Variants in NRG2 observed in about 807,000 individuals in gnomAD.
NRG2 encodes pro-neuregulin-2, membrane-bound isoform.
Under a neutral mutation model 73.9 loss-of-function variants are expected in NRG2, and 27 were observed. The observed-to-expected ratio is 0.37, with a 90% CI of 0.27 to 0.50. The LOEUF is 0.50. Ranked by LOEUF, NRG2 falls within the 20% of genes least tolerant of loss-of-function variation. The pLI is 0.96. For synonymous variants in NRG2, 532 were observed against 541.0 expected (o/e 0.98, Z 0.23); for missense variants, 1,126 against 1,210.1 (o/e 0.93, Z 1.03).
chr5:139,852,591 G>A lies in NRG2; in HGVS notation c.1417-32C>T, dbSNP rs1440525390. On this transcript the variant is annotated intron_variant, in intron 7 of 9. Transcript: ENST00000361474. The surrounding 1 kb of genome is among the most constrained non-coding windows in gnomAD (Gnocchi z 4.4). ...CAGACAGAGTTGGGCGAGAGTTAGTGACTGGGGCCCAAATGAACTCTTTCT... is the reference window on the plus strand; with the variant it reads ...CAGACAGAGTTGGGCGAGAGTTAGTAACTGGGGCCCAAATGAACTCTTTCT... The A allele has an allele frequency of 6.2e-7, 1 of 1,606,372 alleles. No homozygotes were observed. Among genetic ancestry groups the A allele is most frequent in the African/African-American group, 1.3e-5 (1 of 74,826 alleles).
intron 1 of NRG2, among the ~76,000 whole-genome samples, chr5:140,013,401 A>G (rs1188241139): frequency 6.6e-6 from 1 of 152,250 alleles, no homozygotes; most frequent in African/African-American, 2.4e-5. Flanking sequence ...TTAAAAAATA[A>G]TAACAGAGTT....
rs117191761 is a variant in NRG2 at position 139,997,654 on chromosome 5, T to C, written c.700+44716A>G. Among the ~76,000 whole-genome samples the C allele has an allele frequency of 5.9e-5, 9 of 152,300 alleles. No individual in the cohort carries two copies. In the East Asian group the frequency reaches 1.5e-3, roughly 26 times the overall value. Reference sequence around the variant, plus strand: ...TCATCTGGCAAATAGCAGAAATAGATAGAAACCAGCCCCCAGGGCCAAGGG... The same window carrying C: ...TCATCTGGCAAATAGCAGAAATAGACAGAAACCAGCCCCCAGGGCCAAGGG... On this transcript the variant is annotated intron_variant, in intron 1 of 9. Transcript: ENST00000361474.
intron 1 of NRG2, among the ~76,000 whole-genome samples, chr5:139,924,573 T>C (rs1751912435): frequency 6.6e-6 from 1 of 152,232 alleles, no homozygotes; most frequent in Admixed American, 6.5e-5. Context: ...GATAATAACC[T>C]TCCCTGGCAT....
intron 9 of NRG2, among the ~76,000 whole-genome samples, chr5:139,850,119 C>G (rs1434709583): frequency 1.3e-5 from 2 of 152,234 alleles, no homozygotes; most frequent in Non-Finnish European, 2.9e-5. Flanking sequence ...CCCTTCCTAC[C>G]ACCCATTAAG....
At position 139,865,563 on chromosome 5, in the gene NRG2, G is replaced by C; in HGVS notation, c.1175C>G (p.Pro392Arg). ...LEKLPLRLYMPDPKQKAEELY... is the reference protein window; with the variant it reads ...LEKLPLRLYMRDPKQKAEELY... ...TTCAAACATACTTTGCTTAGGATCT[G>C]GCATGTACAATCGCAAAGGCAGTTT... The change falls in exon 5 of 10, where the codon CCA (proline) becomes CGA (arginine). Residue 392 changes from proline to arginine, a missense_variant. Physicochemically the swap from Pro to Arg is moderately radical, Grantham distance 103. Transcript: ENST00000361474. The surrounding 1 kb of genome is among the most constrained non-coding windows in gnomAD (Gnocchi z 5.2). The C allele has an allele frequency of 6.2e-7, 1 of 1,612,316 alleles. No individual in the cohort carries two copies. Among genetic ancestry groups the C allele is most frequent in the Non-Finnish European group, 8.5e-7 (1 of 1,179,318 alleles).
chr5:139,907,354 C>G (rs1195078005), intron 1 of NRG2, among the ~76,000 whole-genome samples: 1 of 152,040 alleles, frequency 6.6e-6, no homozygotes, highest in Non-Finnish European at 1.5e-5. Context: ...TTGATGTATC[C>G]CTCTAAGAAC....
At chr5:139,994,975 CCTTGGAGGCCAGG>C (rs1192660692) in intron 1 of NRG2, among the ~76,000 whole-genome samples, 1 of 152,122 alleles carries the variant, frequency 6.6e-6, no homozygotes, top group African/African-American at 2.4e-5. Context: ...ATGTGAAAGG[CCTTGGAGGCCAGG>C]CTGAGGAGTC....
rs1422489800 is a variant in NRG2, at chr5:139,894,262, C to A, written c.701-6751G>T. On this transcript the variant is annotated intron_variant, in intron 1 of 9. Transcript: ENST00000361474. This position sits in a 1 kb window ranked among gnomAD's most constrained non-coding sequence, Gnocchi z 5.0. ...TTAAAAGGGTTAATGATCCTCACCT[C>A]ATGACTAAGGCTGAGCAGTTCCCTT... Among the ~76,000 whole-genome samples, 1 of 152,178 alleles carries A rather than the reference C, an allele frequency of 6.6e-6. No homozygotes were observed. The highest frequency in any genetic ancestry group is 1.5e-5 in the Non-Finnish European group (1 of 68,020).
At chr5:140,015,466 T>G (rs559419619) in intron 1 of NRG2, among the ~76,000 whole-genome samples, 1 of 152,322 alleles carries the variant, frequency 6.6e-6, no homozygotes, top group South Asian at 2.1e-4. Context: ...GGCAGGGATG[T>G]GACATATTCA....
chr5:139,884,533 A>G (rs903902837), intron 2 of NRG2, among the ~76,000 whole-genome samples: 1 of 152,248 alleles, frequency 6.6e-6, no homozygotes, highest in Non-Finnish European at 1.5e-5. Flanking sequence ...GGATGATTGA[A>G]TACATGTTCC....
chr5:140,028,916 T>C (rs1385251500), intron 1 of NRG2, among the ~76,000 whole-genome samples: 2 of 152,142 alleles, frequency 1.3e-5, no homozygotes, highest in South Asian at 2.1e-4. Context: ...GGCCTAGCCA[T>C]GGTACTGTGA....
chr5:140,011,818 A>T (rs780657790), intron 1 of NRG2, among the ~76,000 whole-genome samples: 5 of 152,218 alleles, frequency 3.3e-5, no homozygotes, highest in Non-Finnish European at 7.3e-5. Flanking sequence ...TGTTGTTTTA[A>T]CCCACTACAT....
intron 1 of NRG2, among the ~76,000 whole-genome samples, chr5:140,004,049 T>C (rs1027349771): frequency 6.6e-6 from 1 of 152,170 alleles, no homozygotes; most frequent in Admixed American, 6.5e-5. Context: ...TTCTGTAACA[T>C]GTTAATATTA....
intron 5 of NRG2, among the ~76,000 whole-genome samples, chr5:139,863,048 G>C (rs1223552405): frequency 6.6e-6 from 1 of 152,158 alleles, no homozygotes; most frequent in African/African-American, 2.4e-5. Context: ...GTTGTAGCTG[G>C]GAGAGGTACT....
At chr5:139,897,548 G>T (rs79983278) in intron 1 of NRG2, among the ~76,000 whole-genome samples, 3,262 of 152,218 alleles carry the variant, frequency 0.021, 118 homozygotes, top group African/African-American at 0.074. Context: ...GTGAGGAGCT[G>T]GTGGGGGCAT....
intron 1 of NRG2, among the ~76,000 whole-genome samples, chr5:140,024,090 G>C (rs559874781): frequency 6.6e-4 from 101 of 152,040 alleles, no homozygotes; most frequent in Non-Finnish European, 1.2e-3. Context: ...CCAGAAACAG[G>C]CTCCCTCCCC....
At position 139,865,297 on chromosome 5, in the gene NRG2, G is replaced by A; in HGVS notation, c.1189+252C>T. ...CTTGCCACCGTTACCATTTGTATTG[G>A]CCTTGCCACTCTGCCCCTTACCTGC... On this transcript the variant is annotated intron_variant, in intron 5 of 9. Coordinates refer to ENST00000361474, the MANE Select transcript of NRG2 (RefSeq NM_004883.3). The surrounding 1 kb of genome is among the most constrained non-coding windows in gnomAD (Gnocchi z 5.2). 1 of 842,282 alleles carries A rather than the reference G, an allele frequency of 1.2e-6. No individual in the cohort carries two copies. The highest frequency in any genetic ancestry group is 2.0e-6 in the Non-Finnish European group (1 of 496,330). 52.2% of individuals were successfully genotyped at this position (842,282 alleles called of 1,614,324 possible). A position where few individuals can be genotyped will look rare whatever the true frequency, so the allele number is the denominator to read the frequency against.
chr5:139,983,865 C>A lies in NRG2; in HGVS notation c.700+58505G>T, dbSNP rs146360458. The stretch of plus-strand genomic sequence containing the variant: ...TGCCAAAACTCCCTGCTCTCTCATA[C>A]TGAAAGCTTTCTTACCATAAATGAT... On this transcript the variant is annotated intron_variant, in intron 1 of 9. Transcript: ENST00000361474. 5.3e-5 allele frequency among the ~76,000 whole-genome samples: 8 copies of A among 152,264 alleles called. No homozygotes were observed. The East Asian group carries it at 1.5e-3, about 29-fold the overall frequency.
intron 1 of NRG2, among the ~76,000 whole-genome samples, chr5:139,937,339 A>C (rs1362246815): frequency 6.6e-6 from 1 of 152,240 alleles, no homozygotes; most frequent in African/African-American, 2.4e-5. Flanking sequence ...AAAGGCATCT[A>C]CAAAAGACCT....
Sources: gnomAD v4.1 joint callset for allele counts (sites outside exome capture counted in the v4.1 genomes callset) on GRCh38, gnomAD v4.1.1 for gene constraint, Gnocchi (gnomAD v3.1) non-coding constraint, MANE v1.5 for transcripts, NCBI Gene and HGNC (gene_info 2026-07-23, HGNC 2026-07-21) for gene names.